The following CCDC34 variants were observed in gnomAD, a reference collection of about 807,000 sequenced individuals.
CCDC34 encodes coiled-coil domain containing 34.
A neutral mutation model predicts 44.1 loss-of-function variants in CCDC34; 40 were observed. The ratio of observed to expected loss-of-function variants is 0.91; its 90% CI spans 0.70 to 1.18. The LOEUF (loss-of-function observed/expected upper bound fraction) is 1.18, where lower values mean the gene tolerates loss of function less well. Among genes scored for constraint, CCDC34 ranks in the 50% most tolerant of loss-of-function variants. CCDC34 has a pLI of 0.00. For missense variants in CCDC34, 466 were observed against 452.3 expected, an observed-to-expected ratio of 1.03 and a Z score of -0.28; for synonymous variants, 159 against 158.2, an observed-to-expected ratio of 1.01 and a Z score of -0.04.
chr11:27,351,579 A>G (rs1862503671), intron 2 of CCDC34, among the ~76,000 whole-genome samples: 1 of 152,170 alleles, frequency 6.6e-6, no homozygotes, highest in Non-Finnish European at 1.5e-5. Context: ...TTCTTTGATG[A>G]CTTACTCAGT....
rs574539845 is a variant in CCDC34, at chr11:27,340,737, G to C, written c.866C>G (p.Pro289Arg). 1 of 1,613,652 alleles carries C rather than the reference G, an allele frequency of 6.2e-7. No individual in the cohort carries two copies. Among genetic ancestry groups the C allele is most frequent in the Admixed American group, 1.7e-5 (1 of 59,986 alleles). The stretch of plus-strand genomic sequence containing the variant: ...GGCATAACCATAGCTCTTTGCAGCT[G>C]GACGAGGTTTATGTTTCGCATTTTC... The part of the protein sequence containing the change: ...WLENAKHKPR[P>R]AAKSYGYANG... Residue 289 changes from proline to arginine, a missense_variant, in exon 5 of 6, where the codon CCA (proline) becomes CGA (arginine). Transcript: ENST00000328697.
At chr11:27,356,224 C>A (rs1163791542) in intron 2 of CCDC34, among the ~76,000 whole-genome samples, 1 of 151,558 alleles carries the variant, frequency 6.6e-6, no homozygotes, top group Non-Finnish European at 1.5e-5. Flanking sequence ...CCATGTTGGT[C>A]AGGCTGGTCT....
At chr11:27,362,456 A>G (rs1189367480) in intron 1 of CCDC34, among the ~76,000 whole-genome samples, 1 of 152,222 alleles carries the variant, frequency 6.6e-6, no homozygotes, top group Non-Finnish European at 1.5e-5. Flanking sequence ...AGGTACTACT[A>G]AGGTGCAGTA....
chr11:27,349,392 T>C, intron 3 of CCDC34: 1 of 844,818 alleles, frequency 1.2e-6, no homozygotes, highest in Non-Finnish European at 1.4e-6. Flanking sequence ...CTTATAATAC[T>C]TGGATGAAGA....
At chr11:27,348,934 C>T in intron 3 of CCDC34, 1 of 984,652 alleles carries the variant, frequency 1.0e-6, no homozygotes, top group Non-Finnish European at 1.2e-6. Flanking sequence ...CCTTCAATAA[C>T]TAGTGATTTA....
chr11:27,350,928 G>A (rs1238500984), intron 2 of CCDC34, among the ~76,000 whole-genome samples: 1 of 152,134 alleles, frequency 6.6e-6, no homozygotes, highest in Non-Finnish European at 1.5e-5. Flanking sequence ...AGGGAAAAAA[G>A]AACCCAGAGT....
chr11:27,348,027 C>T (rs1055784179), intron 3 of CCDC34, among the ~76,000 whole-genome samples: 10 of 152,084 alleles, frequency 6.6e-5, no homozygotes, highest in African/African-American at 2.2e-4. Flanking sequence ...GAGAGAGGAA[C>T]CAGCCACTAA....
At chr11:27,339,709 A>G (rs1348720077) in intron 5 of CCDC34, among the ~76,000 whole-genome samples, 1 of 152,262 alleles carries the variant, frequency 6.6e-6, no homozygotes, top group Non-Finnish European at 1.5e-5. Flanking sequence ...ATTTATAAAA[A>G]TGATATGAGC....
intron 3 of CCDC34, among the ~76,000 whole-genome samples, chr11:27,344,069 C>A (rs1477863915): frequency 6.6e-6 from 1 of 152,140 alleles, no homozygotes; most frequent in African/African-American, 2.4e-5. Flanking sequence ...CCTACAAAAA[C>A]TCCAGTCACT....
intron 2 of CCDC34, among the ~76,000 whole-genome samples, chr11:27,357,035 T>G (rs1395866220): frequency 1.3e-5 from 2 of 152,180 alleles, no homozygotes. Flanking sequence ...TAGTTAAATG[T>G]ACATATGTTG....
At chr11:27,345,746 A>G (rs1187076529) in intron 3 of CCDC34, among the ~76,000 whole-genome samples, 1 of 152,188 alleles carries the variant, frequency 6.6e-6, no homozygotes, top group East Asian at 1.9e-4. Context: ...CAATAAACAT[A>G]CACATGCATG....
intron 3 of CCDC34, among the ~76,000 whole-genome samples, chr11:27,342,083 C>T (rs1862368109): frequency 6.6e-6 from 1 of 152,084 alleles, no homozygotes; most frequent in South Asian, 2.1e-4. Context: ...CTTCCCCAGC[C>T]ACATGGAAGT....
chr11:27,354,734 A>G (rs1050825168), intron 2 of CCDC34, among the ~76,000 whole-genome samples: 1 of 136,530 alleles, frequency 7.3e-6, no homozygotes, highest in Non-Finnish European at 1.5e-5. Flanking sequence ...CAGGCGTGGT[A>G]GCGTGTGCCT....
At chr11:27,341,735 A>G (rs1279391622) in intron 3 of CCDC34, among the ~76,000 whole-genome samples, 185 bp from the exon 4 acceptor site, 4 of 152,218 alleles carry the variant, frequency 2.6e-5, no homozygotes, top group African/African-American at 2.4e-5. Context: ...GTACAATGTC[A>G]GTCTACCTGC....
intron 2 of CCDC34, among the ~76,000 whole-genome samples, chr11:27,356,469 A>G (rs1316235590): frequency 6.6e-6 from 1 of 152,106 alleles, no homozygotes; most frequent in Non-Finnish European, 1.5e-5. Context: ...AAAAATGTTT[A>G]ATGATAGAGA....
In CCDC34 at chr11:27,340,849, A is replaced by C. The variant is rs1862346604; in HGVS notation, c.766-12T>G. On this transcript the variant is annotated splice_polypyrimidine_tract_variant and intron_variant, in intron 4 of 5. Coordinates refer to ENST00000328697, the MANE Select transcript of CCDC34 (RefSeq NM_030771.2). ...TGTTTTTCTTTTTCCTTAAAATGAC[A>C]AGACCAAAATATTTCCAGGGATATT... is the stretch of plus-strand genomic sequence containing the variant. 1 of 1,609,760 alleles carries C rather than the reference A, an allele frequency of 6.2e-7. No individual in the cohort carries two copies. The highest frequency in any genetic ancestry group is 8.5e-7 in the Non-Finnish European group (1 of 1,178,060).
chr11:27,351,233 C>T (rs961791196), intron 2 of CCDC34, among the ~76,000 whole-genome samples: 3 of 152,158 alleles, frequency 2.0e-5, no homozygotes, highest in Non-Finnish European at 4.4e-5. Context: ...AGTCAGATAC[C>T]TTACGTATCT....
chr11:27,362,309 CCT>C (rs1015515628), intron 1 of CCDC34, among the ~76,000 whole-genome samples: 3 of 152,282 alleles, frequency 2.0e-5, no homozygotes, highest in Admixed American at 2.0e-4. Context: ...ATGCTCAGAT[CCT>C]CTCTAACCAC....
chr11:27,355,736 G>GT (rs1455811072), intron 2 of CCDC34, among the ~76,000 whole-genome samples: 5 of 152,084 alleles, frequency 3.3e-5, no homozygotes, highest in African/African-American at 1.2e-4. Context: ...AACATCAACC[G>GT]TAAGGTCTTT....
Sources: allele counts gnomAD v4.1 joint callset (sites outside exome capture counted in the v4.1 genomes callset), GRCh38; gene constraint gnomAD v4.1.1; transcripts MANE v1.5; gene names NCBI Gene and HGNC (gene_info 2026-07-23, HGNC 2026-07-21).